The following LIMCH1 variants were observed in gnomAD, a reference collection of about 807,000 sequenced individuals.
LIMCH1 encodes the protein LIM and calponin homology domains 1, also known as LIM and calponin homology domains-containing protein 1.
A neutral mutation model predicts 176.5 loss-of-function variants in LIMCH1; 113 were observed. The observed-to-expected ratio is 0.64, with a 90% confidence interval of 0.55 to 0.75. LIMCH1 has a LOEUF of 0.75. LIMCH1 is among the 30% of genes least tolerant of loss of function. The pLI, the probability that LIMCH1 is intolerant of heterozygous loss-of-function variation, is 0.00. For missense variants in LIMCH1, 1,674 were observed against 1,814.9 expected (o/e 0.92, Z 1.41); for synonymous variants, 619 against 645.9 (o/e 0.96, Z 0.63).
At chr4:41,432,876 C>T (rs994943205) in intron 1 of LIMCH1, among the ~76,000 whole-genome samples, 8 of 152,150 alleles carry the variant, frequency 5.3e-5, no homozygotes, top group Non-Finnish European at 1.2e-4. Flanking sequence ...CATAATGTTC[C>T]AATCTAGTTT....
At chr4:41,414,247 AC>A (rs989581957) in intron 1 of LIMCH1, among the ~76,000 whole-genome samples, 25 of 152,036 alleles carry the variant, frequency 1.6e-4, no homozygotes, top group African/African-American at 6.0e-4. Flanking sequence ...TTTCTTCCTG[AC>A]CTTCTTGGTT....
In LIMCH1 at chr4:41,646,333, T is replaced by C. The variant is rs2094056969; in HGVS notation, c.2411+53T>C. On this transcript the variant is annotated intron_variant, in intron 16 of 31. Coordinates refer to ENST00000503057, the MANE Select transcript of LIMCH1 (RefSeq NM_001330672.2). ...TGTACAATATTATCTAGGTGTTTTT[T>C]TTTTCTAAAAATTATTGGCTGTCAC... 5.2e-6 allele frequency: 8 copies of C among 1,547,890 alleles called. No homozygotes were observed. The Admixed American group carries it at 8.7e-5, about 17-fold the overall frequency.
rs546987750 is a variant in LIMCH1 at position 41,664,103 on chromosome 4, C to T, written c.3291+1119C>T. 4.6e-5 allele frequency among the ~76,000 whole-genome samples: 7 copies of T among 152,230 alleles called. No homozygotes were observed. In the South Asian group the frequency reaches 1.5e-3, roughly 32 times the overall value. On this transcript the variant is annotated intron_variant, in intron 20 of 31. Transcript: ENST00000503057. ...CCAAATAAATTAGAATCTGTGGAGGCAGAGCCCAGGCATCTGTATTTTTTA... is the reference window on the plus strand; with the variant it reads ...CCAAATAAATTAGAATCTGTGGAGGTAGAGCCCAGGCATCTGTATTTTTTA...
chr4:41,656,412 AG>A (rs1324020686), intron 18 of LIMCH1, among the ~76,000 whole-genome samples: 2 of 152,236 alleles, frequency 1.3e-5, no homozygotes, highest in Non-Finnish European at 2.9e-5. Context: ...AAGTCATTAA[AG>A]ATATTTAGAT....
At chr4:41,436,148 G>A (rs2062054492) in intron 1 of LIMCH1, among the ~76,000 whole-genome samples, 1 of 152,178 alleles carries the variant, frequency 6.6e-6, no homozygotes, top group Non-Finnish European at 1.5e-5. Flanking sequence ...ATTCTGGGTT[G>A]TAAATTAGGA....
intron 3 of LIMCH1, among the ~76,000 whole-genome samples, chr4:41,529,744 TA>T (rs1214272928): frequency 6.6e-5 from 10 of 151,638 alleles, no homozygotes; most frequent in African/African-American, 2.4e-4. Flanking sequence ...ACTCATTTTT[TA>T]AGTTCATCTC....
In LIMCH1 at chr4:41,650,400, G is replaced by C. The variant is rs754168834; in HGVS notation, c.2828G>C (p.Gly943Ala). Reference protein sequence around the residue: ...QDVLKTFKVDGKVSVNGETVH... With the variant: ...QDVLKTFKVDAKVSVNGETVH... Reference sequence around the variant, plus strand: ...TCATTCTGGCTTTTATAGGTAGACGGGAAAGTCAGTGTGAATGGAGAGACG... The same window carrying C: ...TCATTCTGGCTTTTATAGGTAGACGCGAAAGTCAGTGTGAATGGAGAGACG... The change falls in exon 18 of 32, where the codon GGG (glycine) becomes GCG (alanine). Residue 943 changes from glycine to alanine, a missense_variant. Physicochemically the swap from Gly to Ala is moderately conservative, Grantham distance 60. Transcript: ENST00000503057. 101 of 1,613,616 alleles carry C rather than the reference G, an allele frequency of 6.3e-5. No individual in the cohort carries two copies. Among genetic ancestry groups the C allele is most frequent in the Non-Finnish European group, 8.1e-5 (95 of 1,179,726 alleles).
chr4:41,681,236 G>A (rs1715520863), intron 25 of LIMCH1, among the ~76,000 whole-genome samples, 177 bp downstream of exon 25: 2 of 152,096 alleles, frequency 1.3e-5, no homozygotes, highest in Non-Finnish European at 2.9e-5. Context: ...CACTGCTGCA[G>A]CCAAATTCTA....
chr4:41,629,938 T>G (rs2093222642), intron 9 of LIMCH1, among the ~76,000 whole-genome samples: 1 of 151,900 alleles, frequency 6.6e-6, no homozygotes, highest in African/African-American at 2.4e-5. Context: ...CTTGAATAGC[T>G]GGGACTACAG....
chr4:41,687,883 TG>T lies in LIMCH1; in HGVS notation c.4133del (p.Cys1378PhefsTer14), dbSNP rs1203047590. On this transcript the variant is annotated frameshift_variant, in exon 29 of 32. Coordinates refer to ENST00000503057, the MANE Select transcript of LIMCH1 (RefSeq NM_001330672.2). LOFTEE classifies it high-confidence loss of function. ...EHFQAGPFSPCSPTPPGQSPN... is the reference protein window; with the variant it reads ...EHFQAGPFSPXSPTPPGQSPN... The stretch of plus-strand genomic sequence containing the variant: ...CTTCCAGGCTGGGCCTTTCTCTCCC[TG>T]TTCTCCCACCCCTCCCGGTCAGTCA... 3 of 1,613,638 alleles carry T rather than the reference TG, an allele frequency of 1.9e-6. No individual in the cohort carries two copies. The Admixed American group carries it at 5.0e-5, about 27-fold the overall frequency.
chr4:41,541,210 G>A (rs4293818), intron 1 of LIMCH1, among the ~76,000 whole-genome samples: 20,518 of 152,124 alleles, frequency 0.13, 2,681 homozygotes, highest in African/African-American at 0.34. Context: ...AAGAATGAAG[G>A]AACCAAAGCA....
At chr4:41,547,730 A>T (rs568611008) in intron 1 of LIMCH1, among the ~76,000 whole-genome samples, 1 of 145,786 alleles carries the variant, frequency 6.9e-6, no homozygotes, top group African/African-American at 2.5e-5. Flanking sequence ...ATACATATAT[A>T]ATATATACAT....
chr4:41,499,740 C>T (rs1341785165), intron 2 of LIMCH1, among the ~76,000 whole-genome samples: 1 of 152,134 alleles, frequency 6.6e-6, no homozygotes, highest in Non-Finnish European at 1.5e-5. Context: ...ATCTCTTGAA[C>T]CCGGGAGGCG....
intron 1 of LIMCH1, among the ~76,000 whole-genome samples, chr4:41,583,585 G>A (rs1254195782): frequency 6.6e-6 from 1 of 152,126 alleles, no homozygotes; most frequent in African/African-American, 2.4e-5. Flanking sequence ...ACGATGAAAT[G>A]TGGTTTCCAC....
intron 18 of LIMCH1, among the ~76,000 whole-genome samples, chr4:41,657,606 A>G (rs1435320133): frequency 6.6e-6 from 1 of 152,226 alleles, no homozygotes; most frequent in Non-Finnish European, 1.5e-5. Flanking sequence ...AGTATTTTTA[A>G]GTGGGTTCCT....
At chr4:41,572,180 T>C (rs890500008) in intron 1 of LIMCH1, among the ~76,000 whole-genome samples, 10 of 152,214 alleles carry the variant, frequency 6.6e-5, no homozygotes, top group African/African-American at 2.4e-4. Context: ...CTGCTCCATC[T>C]GGAAATGTAA....
intron 4 of LIMCH1, among the ~76,000 whole-genome samples, chr4:41,611,910 T>G (rs1443705851): frequency 1.3e-5 from 2 of 152,202 alleles, no homozygotes; most frequent in Non-Finnish European, 2.9e-5. Flanking sequence ...TCTTCCTTTT[T>G]CAGTTAGTCA....
Position 41,699,417 on chromosome 4 carries a change from A to G in LIMCH1, c.*2232A>G, listed in dbSNP as rs1451075075. ...CACAGAATAATCTCCAACATTTTCT[A>G]AATTCTAATTGCCAACTGTTTCTAT... is the stretch of plus-strand genomic sequence containing the variant. On this transcript the variant is annotated 3_prime_UTR_variant, in exon 32 of 32. Coordinates refer to ENST00000503057, the MANE Select transcript of LIMCH1 (RefSeq NM_001330672.2). The G allele has an allele frequency of 1.3e-5, 2 of 152,224 alleles. No homozygotes were observed. Among genetic ancestry groups the G allele is most frequent in the Non-Finnish European group, 2.9e-5 (2 of 68,026 alleles). The allele number at this position is 152,224 out of a possible 1,614,324, so 9.4% of individuals were successfully genotyped here. A position where few individuals can be genotyped will look rare whatever the true frequency, so the allele number is the denominator to read the frequency against.
At chr4:41,567,930 G>A (rs897453058) in intron 1 of LIMCH1, among the ~76,000 whole-genome samples, 6 of 152,084 alleles carry the variant, frequency 3.9e-5, no homozygotes, top group Admixed American at 6.5e-5. Flanking sequence ...CAAGACAGGC[G>A]GACCACGAGG....
Sources: gnomAD v4.1 joint callset for allele counts (sites outside exome capture counted in the v4.1 genomes callset) on GRCh38, gnomAD v4.1.1 for gene constraint, MANE v1.5 for transcripts, NCBI Gene and HGNC (gene_info 2026-07-23, HGNC 2026-07-21) for gene names.